The following CDK8 variants were observed in gnomAD, a reference collection of about 807,000 sequenced individuals.
CDK8 encodes the protein cyclin-dependent kinase 8.
A neutral mutation model predicts 71.5 loss-of-function variants in CDK8; 29 were observed. That is an observed-to-expected ratio of 0.41 (90% CI 0.30 to 0.55). The LOEUF (loss-of-function observed/expected upper bound fraction) is 0.55. Ranked by LOEUF, CDK8 falls within the 20% of genes least tolerant of loss-of-function variation. CDK8 has a pLI of 0.37. For synonymous variants in CDK8, 161 were observed against 192.1 expected (o/e 0.84, Z 1.34); for missense variants, 288 against 572.6 (o/e 0.50, Z 5.07).
chr13:26,354,488 C>G (rs541316229), intron 4 of CDK8, among the ~76,000 whole-genome samples: 1 of 152,282 alleles, frequency 6.6e-6, no homozygotes, highest in South Asian at 2.1e-4. Flanking sequence ...CAGGGGTCCC[C>G]AACCCCCAGG....
At chr13:26,259,958 A>G (rs9581601) in intron 1 of CDK8, among the ~76,000 whole-genome samples, 16,474 of 152,240 alleles carry the variant, frequency 0.11, 2,646 homozygotes, top group African/African-American at 0.35. Flanking sequence ...GTATATGGCA[A>G]CACAGAGAAG....
intron 4 of CDK8, among the ~76,000 whole-genome samples, chr13:26,360,635 C>CT (rs1193110916): frequency 6.6e-6 from 1 of 152,164 alleles, no homozygotes; most frequent in Non-Finnish European, 1.5e-5. Context: ...GTGTCTTACT[C>CT]TGTGTTTGTA....
intron 2 of CDK8, among the ~76,000 whole-genome samples, chr13:26,339,695 TTTTATTTA>T (rs370690774): frequency 0.024 from 3,273 of 136,386 alleles, 126 homozygotes; most frequent in African/African-American, 0.082. Context: ...ATACTTTCCA[TTTTATTTA>T]TTTATTTATT....
chr13:26,370,593 A>G (rs1414371938), intron 4 of CDK8, among the ~76,000 whole-genome samples: 1 of 152,214 alleles, frequency 6.6e-6, no homozygotes, highest in Non-Finnish European at 1.5e-5. Context: ...CTGTTACTTA[A>G]CAGTGTTCTG....
intron 4 of CDK8, among the ~76,000 whole-genome samples, chr13:26,365,509 G>T (rs547657549): frequency 6.6e-6 from 1 of 152,106 alleles, no homozygotes; most frequent in South Asian, 2.1e-4. Context: ...ATATTATGTC[G>T]TTTGGTTTGC....
chr13:26,306,753 C>T (rs1175714), intron 1 of CDK8, among the ~76,000 whole-genome samples: 59,894 of 151,460 alleles, frequency 0.4, 11,939 homozygotes, highest in East Asian at 0.54. Context: ...CTCAGCTTCC[C>T]GAGTAGCTGG....
intron 9 of CDK8, 103 bp downstream of exon 9, chr13:26,397,328 T>A: frequency 1.5e-6 from 1 of 670,996 alleles, no homozygotes; most frequent in Non-Finnish European, 2.6e-6. Context: ...TAGCTAGCAC[T>A]CAGAGTGCTT....
chr13:26,282,760 T>C (rs1372672515), intron 1 of CDK8, among the ~76,000 whole-genome samples: 2 of 152,168 alleles, frequency 1.3e-5, no homozygotes, highest in African/African-American at 4.8e-5. Flanking sequence ...CCTCTTAAAA[T>C]ACATATAATG....
At chr13:26,278,080 A>C (rs573283495) in intron 1 of CDK8, among the ~76,000 whole-genome samples, 1 of 152,208 alleles carries the variant, frequency 6.6e-6, no homozygotes, top group Admixed American at 6.5e-5. Context: ...AATGGTTTCA[A>C]CATGTCCTAA....
rs575005951 is a variant in CDK8, at chr13:26,300,762, C to T, written c.129-36805C>T. On this transcript the variant is annotated intron_variant, in intron 1 of 12. Transcript: ENST00000381527. ...CAGTAAACTCTAGGGCATAACTGTCCAGATATATTATTGATTTTTCCAAAG... is the reference window on the plus strand; with the variant it reads ...CAGTAAACTCTAGGGCATAACTGTCTAGATATATTATTGATTTTTCCAAAG... Among the ~76,000 whole-genome samples the T allele has an allele frequency of 2.0e-5, 3 of 152,162 alleles. No individual in the cohort carries two copies. In the South Asian group the frequency reaches 6.2e-4, roughly 32 times the overall value.
At position 26,349,188 on chromosome 13, in the gene CDK8, G is replaced by A. The variant is rs1226382956; in HGVS notation, c.315+6G>A. ...ATGCTGAACATGACCTCTGGGTAAG[G>A]TGAATTGCTGGCAGACATGAGCAAA... is the stretch of plus-strand genomic sequence containing the variant. On this transcript the variant is annotated splice_donor_region_variant and intron_variant, in intron 3 of 12. Transcript: ENST00000381527. 1 of 1,493,964 alleles carries A rather than the reference G, an allele frequency of 6.7e-7. No individual in the cohort carries two copies. The highest frequency in any genetic ancestry group is 1.2e-5 in the South Asian group (1 of 86,066). The allele number at this position is 1,493,964 out of a possible 1,614,324, so 92.5% of individuals were successfully genotyped here.
chr13:26,264,936 C>A (rs559887805), intron 1 of CDK8, among the ~76,000 whole-genome samples: 1 of 152,234 alleles, frequency 6.6e-6, no homozygotes, highest in South Asian at 2.1e-4. Context: ...GAATAGTATT[C>A]CATTGTGAAT....
In CDK8 at chr13:26,338,830, G is replaced by A. The variant is rs1873102001; in HGVS notation, c.204+1188G>A. On this transcript the variant is annotated intron_variant, in intron 2 of 12. Transcript: ENST00000381527. The stretch of plus-strand genomic sequence containing the variant: ...TCAGGATGTTGATTACCCTTGGAGG[G>A]AATACAGAGCTTCAGGGTGCTAGTA... Among the ~76,000 whole-genome samples, 9 of 152,130 alleles carry A rather than the reference G, an allele frequency of 5.9e-5. No homozygotes were observed. In the South Asian group the frequency reaches 1.9e-3, roughly 31 times the overall value.
chr13:26,312,324 T>TGTGGAA (rs1461765284), intron 1 of CDK8, among the ~76,000 whole-genome samples: 1 of 152,194 alleles, frequency 6.6e-6, no homozygotes, highest in Non-Finnish European at 1.5e-5. Flanking sequence ...CCTTCCACAC[T>TGTGGAA]GTGGAAGCTT....
At chr13:26,370,096 A>G (rs569550809) in intron 4 of CDK8, among the ~76,000 whole-genome samples, 4 of 152,300 alleles carry the variant, frequency 2.6e-5, no homozygotes, top group African/African-American at 9.6e-5. Flanking sequence ...CTTCAAACAA[A>G]TAATCCTACA....
chr13:26,292,534 C>T (rs1873351901), intron 1 of CDK8, among the ~76,000 whole-genome samples: 1 of 152,204 alleles, frequency 6.6e-6, no homozygotes, highest in Non-Finnish European at 1.5e-5. Context: ...AATCTGCTCA[C>T]ATCACTTTTT....
At chr13:26,378,321 C>G (rs1022671670) in intron 4 of CDK8, among the ~76,000 whole-genome samples, 2 of 152,136 alleles carry the variant, frequency 1.3e-5, no homozygotes, top group African/African-American at 4.8e-5. Flanking sequence ...CATTGGTGCA[C>G]TCTCCTCCAG....
intron 5 of CDK8, among the ~76,000 whole-genome samples, chr13:26,383,839 T>C (rs1875346525): frequency 6.6e-6 from 1 of 152,220 alleles, no homozygotes; most frequent in African/African-American, 2.4e-5. Flanking sequence ...AAATTTGATG[T>C]GCCTTAACAT....
chr13:26,400,353 G>A, intron 9 of CDK8, 100 bp from the exon 10 acceptor site: 1 of 723,966 alleles, frequency 1.4e-6, no homozygotes, highest in South Asian at 1.6e-5. Flanking sequence ...TTTCCAAATT[G>A]TGATGTTATT....
Sources: gnomAD v4.1 joint callset for allele counts (sites outside exome capture counted in the v4.1 genomes callset) on GRCh38, gnomAD v4.1.1 for gene constraint, MANE v1.5 for transcripts, NCBI Gene and HGNC (gene_info 2026-07-23, HGNC 2026-07-21) for gene names.